The following CPNE3 variants were observed in gnomAD, a reference collection of about 807,000 sequenced individuals.
The protein encoded by CPNE3 is copine-3.
Under a neutral mutation model 63.9 loss-of-function variants are expected in CPNE3, and 68 were observed. The ratio of observed to expected loss-of-function variants is 1.06; its 90% CI spans 0.87 to 1.30. The LOEUF (loss-of-function observed/expected upper bound fraction) is 1.30, where lower values mean the gene tolerates loss of function less well. Ranked by LOEUF, CPNE3 falls within the 50% of genes most tolerant of loss-of-function variation. The pLI is 0.00. For synonymous variants in CPNE3, 219 were observed against 197.5 expected, an observed-to-expected ratio of 1.11 and a Z score of -0.91; for missense variants, 665 against 578.1, an observed-to-expected ratio of 1.15 and a Z score of -1.54.
chr8:86,528,187 C>T lies in CPNE3; in HGVS notation c.-10-349C>T, dbSNP rs181473943. 6.6e-5 allele frequency among the ~76,000 whole-genome samples: 10 copies of T among 152,008 alleles called. No individual in the cohort carries two copies. The East Asian group carries it at 1.7e-3, about 26-fold the overall frequency. ...ATGGTCTCAAATTCCTAAGCTCAAG[C>T]CATCCTTCTGCCTCAGCCTCCCAAA... On this transcript the variant is annotated intron_variant, in intron 2 of 16. Transcript: ENST00000517490.
At chr8:86,534,736 A>G (rs1383351619) in intron 6 of CPNE3, among the ~76,000 whole-genome samples, 1 of 152,208 alleles carries the variant, frequency 6.6e-6, no homozygotes, top group Non-Finnish European at 1.5e-5. Context: ...GAATCTTTCT[A>G]TAGAGAGAAA....
At chr8:86,546,478 A>G in intron 9 of CPNE3, 117 bp from the exon 10 acceptor site, 1 of 944,620 alleles carries the variant, frequency 1.1e-6, no homozygotes. Flanking sequence ...ATTTTGCAAC[A>G]GACCTACATC....
In CPNE3 at chr8:86,558,683, CTGT is replaced by C. The variant is rs973160714; in HGVS notation, c.*281_*283del. 8 of 357,784 alleles carry C rather than the reference CTGT, an allele frequency of 2.2e-5. No homozygotes were observed. The highest frequency in any genetic ancestry group is 1.0e-4 in the African/African-American group (5 of 48,564). 22.2% of individuals were successfully genotyped at this position (357,784 alleles called of 1,614,324 possible). A position where few individuals can be genotyped will look rare whatever the true frequency, so the allele number is the denominator to read the frequency against. On this transcript the variant is annotated 3_prime_UTR_variant, in exon 17 of 17. Coordinates refer to ENST00000517490, the MANE Select transcript of CPNE3 (RefSeq NM_003909.5). The stretch of plus-strand genomic sequence containing the variant: ...GAAATTAGTGTGGGGAAAGCTTATT[CTGT>C]TGTTGTTTTTGTTTACTTTCATATG...
In CPNE3 at chr8:86,531,229, G is replaced by A. The variant is rs367956394; in HGVS notation, c.387G>A (p.Thr129=). ...GACCTGCAGGAAAAGGGAGCATTAC[G>A]GTAAAAATAAGATATTTGTCTTTTG... The part of the protein sequence containing the change: ...TGRPAGKGSI[T]ISAEEIKDNR... The change falls in exon 5 of 17, where the codon ACG becomes ACA. Residue 129 remains threonine (T), a splice_region_variant and synonymous_variant. Transcript: ENST00000517490. 77 of 1,134,412 alleles carry A rather than the reference G, an allele frequency of 6.8e-5. No homozygotes were observed. Among genetic ancestry groups the A allele is most frequent in the Non-Finnish European group, 8.8e-5 (65 of 741,676 alleles). The allele number at this position is 1,134,412 out of a possible 1,614,324, so 70.3% of individuals were successfully genotyped here.
chr8:86,537,962 C>T (rs985946630), intron 7 of CPNE3, among the ~76,000 whole-genome samples: 5 of 126,662 alleles, frequency 3.9e-5, no homozygotes, highest in Middle Eastern at 3.7e-3. Context: ...CTCTGTCCCT[C>T]TCTGTCTCTC....
Position 86,550,906 on chromosome 8 carries a change from T to C in CPNE3, c.1014-140T>C, listed in dbSNP as rs1821158913. The C allele has an allele frequency of 7.7e-6, 6 of 775,334 alleles. No individual in the cohort carries two copies. In the South Asian group the frequency reaches 1.5e-4, roughly 19 times the overall value. 48.0% of individuals were successfully genotyped at this position (775,334 alleles called of 1,614,324 possible). A position where few individuals can be genotyped will look rare whatever the true frequency, so the allele number is the denominator to read the frequency against. The stretch of plus-strand genomic sequence containing the variant: ...AGTTGTCAAATATTAACATTGATTC[T>C]CTTTGGCAGTTAATATAGGTAATCT... On this transcript the variant is annotated intron_variant, in intron 12 of 16. Transcript: ENST00000517490.
intron 9 of CPNE3, 24 bp downstream of exon 9, chr8:86,544,862 A>G: frequency 7.3e-7 from 1 of 1,367,516 alleles, no homozygotes; most frequent in Non-Finnish European, 1.0e-6. Context: ...TTGCATTTGC[A>G]TATACTTTAT....
chr8:86,517,843 G>C (rs72690440), intron 2 of CPNE3, among the ~76,000 whole-genome samples: 8,273 of 152,300 alleles, frequency 0.054, 318 homozygotes, highest in Non-Finnish European at 0.087. Flanking sequence ...CTGACACACA[G>C]TAGGCAATCT....
In CPNE3 at chr8:86,551,121, T is replaced by C. The variant is rs759362731; in HGVS notation, c.1068+21T>C. 23 of 1,613,144 alleles carry C rather than the reference T, an allele frequency of 1.4e-5. No individual in the cohort carries two copies. In the African/African-American group the frequency reaches 3.1e-4, roughly 22 times the overall value. ...GGCAGGTAAGAGGAAATCTCTATTT[T>C]AAAGCTTTGCCTCCTAGAAAAGCAG... On this transcript the variant is annotated intron_variant, in intron 13 of 16. Transcript: ENST00000517490.
chr8:86,533,868 T>C (rs956103204), intron 6 of CPNE3, among the ~76,000 whole-genome samples: 1 of 150,678 alleles, frequency 6.6e-6, no homozygotes, highest in East Asian at 2.0e-4. Flanking sequence ...TTTATTTCTT[T>C]CTTCTTTTCC....
intron 8 of CPNE3, among the ~76,000 whole-genome samples, chr8:86,540,790 G>A (rs1170151512): frequency 2.0e-5 from 3 of 152,116 alleles, no homozygotes; most frequent in Non-Finnish European, 4.4e-5. Flanking sequence ...CTTATTTTCA[G>A]AATGAGATAA....
chr8:86,547,961 G>A (rs147524850), intron 11 of CPNE3, among the ~76,000 whole-genome samples, 191 bp downstream of exon 11: 2 of 152,308 alleles, frequency 1.3e-5, no homozygotes, highest in African/African-American at 4.8e-5. Flanking sequence ...TCTTCCTCCT[G>A]AGAGAAAGCA....
Position 86,532,536 on chromosome 8 carries a change from AGAGTG to A in CPNE3, c.417_421del (p.Arg139SerfsTer4), listed in dbSNP as rs1212993870. The A allele has an allele frequency of 6.2e-7, 1 of 1,613,022 alleles. No homozygotes were observed. The highest frequency in any genetic ancestry group is 1.3e-5 in the African/African-American group (1 of 75,036). The stretch of plus-strand genomic sequence containing the variant: ...TTCAGCTGAAGAAATAAAAGATAAT[AGAGTG>A]GTCTTGTTTGAAATGGAAGCCAGAA... On this transcript the variant is annotated frameshift_variant, in exon 6 of 17. Transcript: ENST00000517490. LOFTEE classifies it high-confidence loss of function.
At chr8:86,537,180 T>C (rs958532329) in intron 6 of CPNE3, among the ~76,000 whole-genome samples, 11 of 152,182 alleles carry the variant, frequency 7.2e-5, no homozygotes, top group Non-Finnish European at 5.9e-5. Context: ...CCTGTCTCCA[T>C]AGAGTTGGTA....
At chr8:86,546,472 T>C in intron 9 of CPNE3, 123 bp from the exon 10 acceptor site, 1 of 877,362 alleles carries the variant, frequency 1.1e-6, no homozygotes. Flanking sequence ...AGTTATATTT[T>C]GCAACAGACC....
chr8:86,544,890 A>T, intron 9 of CPNE3, 52 bp downstream of exon 9: 1 of 1,106,206 alleles, frequency 9.0e-7, no homozygotes. Flanking sequence ...CTATGTATTT[A>T]TTACTGTATT....
At chr8:86,539,969 T>C (rs754735801) in intron 7 of CPNE3, among the ~76,000 whole-genome samples, 1 of 152,138 alleles carries the variant, frequency 6.6e-6, no homozygotes, top group South Asian at 2.1e-4. Flanking sequence ...CCAGCCATCC[T>C]CTGTAGTTCC....
chr8:86,527,579 A>G (rs1820567496), intron 2 of CPNE3, among the ~76,000 whole-genome samples: 2 of 152,164 alleles, frequency 1.3e-5, no homozygotes, highest in Admixed American at 1.3e-4. Context: ...CATTAGAATC[A>G]TCCAAGGAAC....
chr8:86,516,175 C>A (rs1820303866), intron 2 of CPNE3, among the ~76,000 whole-genome samples: 1 of 152,168 alleles, frequency 6.6e-6, no homozygotes, highest in Non-Finnish European at 1.5e-5. Context: ...TAGGACCCCA[C>A]AGACCAAAAG....
Sources: allele counts gnomAD v4.1 joint callset (sites outside exome capture counted in the v4.1 genomes callset), GRCh38; gene constraint gnomAD v4.1.1; transcripts MANE v1.5; gene names NCBI Gene and HGNC (gene_info 2026-07-23, HGNC 2026-07-21).